Variants in SHISA7 observed in about 807,000 individuals in gnomAD.
The protein encoded by SHISA7 is shisa family member 7.
In SHISA7, 6 loss-of-function variants were observed where a neutral mutation model predicts 23.9. The ratio of observed to expected loss-of-function variants is 0.25; its 90% confidence interval spans 0.14 to 0.50. The LOEUF is 0.50. SHISA7 is among the 20% of genes least tolerant of loss of function. SHISA7 has a pLI of 0.98. For synonymous variants in SHISA7, 386 were observed against 398.3 expected, an observed-to-expected ratio of 0.97 and a Z score of 0.37; for missense variants, 671 against 801.1, an observed-to-expected ratio of 0.84 and a Z score of 1.96.
In SHISA7 at chr19:55,431,025, A is replaced by C. The variant is rs1032486169; in HGVS notation, c.*2131T>G. ...CACTGGACCTCATGGATCACAGGAG[A>C]TGATGACACCAGGGTTATGGTGGAT... is the stretch of plus-strand genomic sequence containing the variant. On this transcript the variant is annotated 3_prime_UTR_variant, in exon 4 of 4. Coordinates refer to ENST00000376325, the MANE Select transcript of SHISA7 (RefSeq NM_001145176.2). 2.1e-4 allele frequency: 31 copies of C among 150,170 alleles called. No individual in the cohort carries two copies. The highest frequency in any genetic ancestry group is 7.1e-4 in the African/African-American group (29 of 40,562). 9.3% of individuals were successfully genotyped at this position (150,170 alleles called of 1,614,324 possible).
intron 1 of SHISA7, 81 bp downstream of exon 1, chr19:55,442,112 C>T (rs1223380734): frequency 7.4e-7 from 1 of 1,353,864 alleles, no homozygotes; most frequent in African/African-American, 1.5e-5. Context: ...ATCCCTGCAG[C>T]CCCTCCTCCT....
At chr19:55,440,853 C>G (rs1568452986) in intron 1 of SHISA7, 88 bp from the exon 2 acceptor site, 5 of 1,180,054 alleles carry the variant, frequency 4.2e-6, no homozygotes, top group Admixed American at 4.2e-5. Flanking sequence ...CTGCTCTCGC[C>G]CTTGGGTAAT....
rs995346326 is a variant in SHISA7 at position 55,438,544 on chromosome 19, C to T, written c.827-790G>A. On this transcript the variant is annotated intron_variant, in intron 2 of 3. Coordinates refer to ENST00000376325, the MANE Select transcript of SHISA7 (RefSeq NM_001145176.2). ...AAGGAGGCCTGCTCTTTTCCGCAGC[C>T]GGGCCCTCTTCCGCACCCAGTGTGG... 2.4e-5 allele frequency: 31 copies of T among 1,304,038 alleles called. No individual in the cohort carries two copies. In the East Asian group the frequency reaches 5.0e-4, roughly 21 times the overall value. The allele number at this position is 1,304,038 out of a possible 1,614,324, so 80.8% of individuals were successfully genotyped here.
chr19:55,433,499 C>A lies in SHISA7; in HGVS notation c.1274G>T (p.Arg425Leu). 1 of 1,454,938 alleles carries A rather than the reference C, an allele frequency of 6.9e-7. No individual in the cohort carries two copies. The highest frequency in any genetic ancestry group is 1.3e-5 in the South Asian group (1 of 75,214). The allele number at this position is 1,454,938 out of a possible 1,614,324, so 90.1% of individuals were successfully genotyped here. A position where few individuals can be genotyped will look rare whatever the true frequency, so the allele number is the denominator to read the frequency against. The change falls in exon 4 of 4, where the codon CGC (arginine) becomes CTC (leucine). Residue 425 changes from arginine to leucine, a missense_variant. Coordinates refer to ENST00000376325, the MANE Select transcript of SHISA7 (RefSeq NM_001145176.2). The surrounding 1 kb of genome is among the most constrained non-coding windows in gnomAD (Gnocchi z 8.4). ...GCGCGGGGGCGACAGCAGGTGCTCG[C>A]GACTCTGGCGCAGGGCCTCGGGCGA... ...LSSPEALRQS[R>L]EHLLSPPRSP...
In SHISA7 at chr19:55,442,270, G is replaced by A. The variant is rs1985615051; in HGVS notation, c.594C>T (p.Ala198=). 1 of 1,533,668 alleles carries A rather than the reference G, an allele frequency of 6.5e-7. No homozygotes were observed. The highest frequency in any genetic ancestry group is 8.7e-7 in the Non-Finnish European group (1 of 1,145,856). ...AGGCCACTTTGGCGCCGACGCCCAC[G>A]GCCAGGGCGAAGCTGATGACCCCGC... is the stretch of plus-strand genomic sequence containing the variant. ...VVCGVISFAL[A]VGVGAKVAFS... is the part of the protein sequence containing the mutation. Residue 198 remains alanine (A), a synonymous_variant, in exon 1 of 4, where the codon GCC becomes GCT. Coordinates refer to ENST00000376325, the MANE Select transcript of SHISA7 (RefSeq NM_001145176.2).
At position 55,432,971 on chromosome 19, in the gene SHISA7, G is replaced by A; in HGVS notation, c.*185C>T. On this transcript the variant is annotated 3_prime_UTR_variant, in exon 4 of 4. Coordinates refer to ENST00000376325, the MANE Select transcript of SHISA7 (RefSeq NM_001145176.2). This position sits in a 1 kb window ranked among gnomAD's most constrained non-coding sequence, Gnocchi z 4.6. ...GATGACATCATGGGAAGGAGGCCTT[G>A]GCTCAAGCAGTGAAGTAATAGGAGG... The A allele has an allele frequency of 1.4e-6, 1 of 721,502 alleles. No homozygotes were observed. Among genetic ancestry groups the A allele is most frequent in the South Asian group, 2.1e-5 (1 of 46,916 alleles). The allele number at this position is 721,502 out of a possible 1,614,324, so 44.7% of individuals were successfully genotyped here. A position where few individuals can be genotyped will look rare whatever the true frequency, so the allele number is the denominator to read the frequency against.
At position 55,429,419 on chromosome 19, in the gene SHISA7, G is replaced by A. The variant is rs1985114914; in HGVS notation, c.*3737C>T. 6.5e-6 allele frequency: 1 copy of A among 152,682 alleles called. No homozygotes were observed. Among genetic ancestry groups the A allele is most frequent in the Admixed American group, 6.5e-5 (1 of 15,290 alleles). 9.5% of individuals were successfully genotyped at this position (152,682 alleles called of 1,614,324 possible). A position where few individuals can be genotyped will look rare whatever the true frequency, so the allele number is the denominator to read the frequency against. ...GCTGGGGAGGCCCTGGAAGGGATGGGAGGAGCCCCTCAGAGCAGCTAGAAG... is the reference window on the plus strand; with the variant it reads ...GCTGGGGAGGCCCTGGAAGGGATGGAAGGAGCCCCTCAGAGCAGCTAGAAG... On this transcript the variant is annotated 3_prime_UTR_variant, in exon 4 of 4. Coordinates refer to ENST00000376325, the MANE Select transcript of SHISA7 (RefSeq NM_001145176.2).
At position 55,429,860 on chromosome 19, in the gene SHISA7, A is replaced by G. The variant is rs1417635216; in HGVS notation, c.*3296T>C. The G allele has an allele frequency of 1.3e-5, 2 of 152,230 alleles. No individual in the cohort carries two copies. Among genetic ancestry groups the G allele is most frequent in the African/African-American group, 4.8e-5 (2 of 41,508 alleles). 9.4% of individuals were successfully genotyped at this position (152,230 alleles called of 1,614,324 possible). A position where few individuals can be genotyped will look rare whatever the true frequency, so the allele number is the denominator to read the frequency against. Reference sequence around the variant, plus strand: ...GTGCTGGCAGGGACCATTGCTCTCCAGTGTCCCTGCTGCAGGATGAGGCCA... The same window carrying G: ...GTGCTGGCAGGGACCATTGCTCTCCGGTGTCCCTGCTGCAGGATGAGGCCA... On this transcript the variant is annotated 3_prime_UTR_variant, in exon 4 of 4. Coordinates refer to ENST00000376325, the MANE Select transcript of SHISA7 (RefSeq NM_001145176.2).
At chr19:55,435,144 G>GGT (rs1393218744) in intron 3 of SHISA7, among the ~76,000 whole-genome samples, 7 of 109,700 alleles carry the variant, frequency 6.4e-5, no homozygotes, top group Admixed American at 9.6e-5. Context: ...GTATGTGTAT[G>GGT]GTGTGTGTGT....
rs1460049705 is a variant in SHISA7 at position 55,433,513 on chromosome 19, G to A, written c.1260C>T (p.Ala420=). Residue 420 remains alanine, a synonymous_variant, in exon 4 of 4, where the codon GCC becomes GCT. Coordinates refer to ENST00000376325, the MANE Select transcript of SHISA7 (RefSeq NM_001145176.2). This position sits in a 1 kb window ranked among gnomAD's most constrained non-coding sequence, Gnocchi z 8.4. ...QEHLLLSSPE[A]LRQSREHLLS... is the part of the protein sequence containing the mutation. Reference sequence around the variant, plus strand: ...GCAGGTGCTCGCGACTCTGGCGCAGGGCCTCGGGCGAGGACAGCAGCAGGT... The same window carrying A: ...GCAGGTGCTCGCGACTCTGGCGCAGAGCCTCGGGCGAGGACAGCAGCAGGT... 6.8e-7 allele frequency: 1 copy of A among 1,472,760 alleles called. No homozygotes were observed. Among genetic ancestry groups the A allele is most frequent in the Non-Finnish European group, 8.9e-7 (1 of 1,118,916 alleles). 91.2% of individuals were successfully genotyped at this position (1,472,760 alleles called of 1,614,324 possible).
Position 55,440,753 on chromosome 19 carries a change from G to A in SHISA7, c.684C>T (p.Asp228=). 1.6e-6 allele frequency: 2 copies of A among 1,244,150 alleles called. No homozygotes were observed. The highest frequency in any genetic ancestry group is 2.0e-6 in the Non-Finnish European group (2 of 988,112). 77.1% of individuals were successfully genotyped at this position (1,244,150 alleles called of 1,614,324 possible). The stretch of plus-strand genomic sequence containing the variant: ...CAGGCCCCGCCTGATGTCTCAGAAT[G>A]TCCACCAGAGCTCTAAAGGTGGCAG... The part of the protein sequence containing the change: ...RDINVPRALV[D]ILRHQAGPGT... The change falls in exon 2 of 4, where the codon GAC becomes GAT. Residue 228 remains aspartate (D), a synonymous_variant. Transcript: ENST00000376325.
Position 55,442,854 on chromosome 19 carries a change from G to C in SHISA7, c.10C>G (p.Leu4Val), listed in dbSNP as rs1230290907. 7.2e-7 allele frequency: 1 copy of C among 1,383,016 alleles called. No homozygotes were observed. Among genetic ancestry groups the C allele is most frequent in the South Asian group, 1.6e-5 (1 of 64,414 alleles). 85.7% of individuals were successfully genotyped at this position (1,383,016 alleles called of 1,614,324 possible). ...GAGGCCAGGAGTACGAGGAGCAGGA[G>C]GGCCGGCATGGGGCTTGCAGGGGGT... is the stretch of plus-strand genomic sequence containing the variant. Reference protein sequence around the residue: MPALLLLVLLASSA... With the variant: MPAVLLLVLLASSA... The change falls in exon 1 of 4, where the codon CTC becomes GTC. Residue 4 changes from leucine to valine, a missense_variant. Coordinates refer to ENST00000376325, the MANE Select transcript of SHISA7 (RefSeq NM_001145176.2).
At chr19:55,437,515 A>G (rs1985493188) in intron 3 of SHISA7, 90 bp downstream of exon 3, 1 of 1,407,086 alleles carries the variant, frequency 7.1e-7, no homozygotes, top group East Asian at 2.7e-5. Flanking sequence ...AACCATTGGA[A>G]GGCTCTTGGG....
At chr19:55,438,545 G>C in intron 2 of SHISA7, 1 of 1,304,158 alleles carries the variant, frequency 7.7e-7, no homozygotes, top group South Asian at 1.2e-5. Context: ...TTCCGCAGCC[G>C]GGCCCTCTTC....
chr19:55,435,560 C>T (rs1191770377), intron 3 of SHISA7, among the ~76,000 whole-genome samples: 1 of 136,462 alleles, frequency 7.3e-6, no homozygotes, highest in Non-Finnish European at 1.5e-5. Context: ...CAAGACCGAC[C>T]TGGGCAATAT....
In SHISA7 at chr19:55,435,426, GAT is replaced by G. The variant is rs553441562; in HGVS notation, c.977-1632_977-1631del. ...GTGTGTGTTGTGTGTGTGTGTGTGT[GAT>G]TGAAATATTAAAGGATGAGATTTAG... On this transcript the variant is annotated intron_variant, in intron 3 of 3. Transcript: ENST00000376325. 1.5e-3 allele frequency among the ~76,000 whole-genome samples: 204 copies of G among 138,072 alleles called. 4 individuals are homozygous for G. The South Asian group carries it at 0.042, about 28-fold the overall frequency. 90.6% of individuals were successfully genotyped at this position (138,072 alleles called of 152,430 possible). A position where few individuals can be genotyped will look rare whatever the true frequency, so the allele number is the denominator to read the frequency against.
chr19:55,428,791 C>G lies in SHISA7; in HGVS notation c.*4365G>C, dbSNP rs1985094306. The G allele has an allele frequency of 6.6e-6, 1 of 152,248 alleles. No individual in the cohort carries two copies. Among genetic ancestry groups the G allele is most frequent in the South Asian group, 2.1e-4 (1 of 4,832 alleles). The allele number at this position is 152,248 out of a possible 1,614,324, so 9.4% of individuals were successfully genotyped here. ...AAATACCAAGTCGCAGCTCCTCTGGCTGTCCTCACCAGGGAATTAATTAGG... is the reference window on the plus strand; with the variant it reads ...AAATACCAAGTCGCAGCTCCTCTGGGTGTCCTCACCAGGGAATTAATTAGG... On this transcript the variant is annotated 3_prime_UTR_variant, in exon 4 of 4. Transcript: ENST00000376325.
In SHISA7 at chr19:55,442,880, C is replaced by T; in HGVS notation, c.-17G>A. 2 of 1,320,678 alleles carry T rather than the reference C, an allele frequency of 1.5e-6. No individual in the cohort carries two copies. The highest frequency in any genetic ancestry group is 1.9e-6 in the Non-Finnish European group (2 of 1,038,994). 81.8% of individuals were successfully genotyped at this position (1,320,678 alleles called of 1,614,324 possible). ...GGCCGGCATGGGGCTTGCAGGGGGT[C>T]GCACTGGGCCGCCAGGCTGCGGGGA... is the stretch of plus-strand genomic sequence containing the variant. On this transcript the variant is annotated 5_prime_UTR_variant, in exon 1 of 4. Transcript: ENST00000376325.
intron 2 of SHISA7, 143 bp downstream of exon 2, chr19:55,440,468 C>T (rs1282445865): frequency 1.3e-6 from 1 of 770,502 alleles, no homozygotes; most frequent in East Asian, 3.4e-5. Flanking sequence ...TTTCGCAGGG[C>T]AGGACCCGGC....
Sources: allele counts gnomAD v4.1 joint callset (sites outside exome capture counted in the v4.1 genomes callset), GRCh38; gene constraint gnomAD v4.1.1; non-coding constraint Gnocchi (gnomAD v3.1); transcripts MANE v1.5; gene names NCBI Gene and HGNC (gene_info 2026-07-23, HGNC 2026-07-21).